DLG2: variants seen among roughly 807,000 people sequenced by gnomAD.
DLG2 encodes disks large homolog 2.
Under a neutral mutation model 132.5 loss-of-function variants are expected in DLG2, and 45 were observed. The observed-to-expected ratio is 0.34, with a 90% CI of 0.27 to 0.44. The LOEUF (loss-of-function observed/expected upper bound fraction) is 0.44. Ranked by LOEUF, DLG2 falls within the 20% of genes least tolerant of loss-of-function variation. The pLI, the probability that DLG2 is intolerant of heterozygous loss-of-function variation, is 1.00. For synonymous variants in DLG2, 424 were observed against 419.6 expected (o/e 1.01, Z -0.13); for missense variants, 1,045 against 1,196.9 (o/e 0.87, Z 1.87).
chr11:85,619,400 T>G (rs1370474075), intron 2 of DLG2, among the ~76,000 whole-genome samples: 2 of 152,170 alleles, frequency 1.3e-5, no homozygotes, highest in African/African-American at 4.8e-5. Flanking sequence ...AATTGTCTAT[T>G]TTACTTTGAC....
chr11:84,546,565 A>G, intron 6 of DLG2: 1 of 395,940 alleles, frequency 2.5e-6, no homozygotes, highest in Non-Finnish European at 4.9e-6. Context: ...GTCTTTGAGA[A>G]TCTCCTCTTG....
intron 4 of DLG2, among the ~76,000 whole-genome samples, chr11:85,197,602 T>C (rs2081165288): frequency 6.6e-6 from 1 of 152,202 alleles, no homozygotes; most frequent in Non-Finnish European, 1.5e-5. Context: ...AGTTTACTTA[T>C]GTTAAGTCTA....
chr11:84,177,468 C>G (rs2096002620), intron 8 of DLG2, among the ~76,000 whole-genome samples: 1 of 152,176 alleles, frequency 6.6e-6, no homozygotes, highest in African/African-American at 2.4e-5. Flanking sequence ...GCTTTGGATT[C>G]AGTCAGACAT....
intron 3 of DLG2, among the ~76,000 whole-genome samples, chr11:85,467,861 A>G (rs1029513723): frequency 6.6e-6 from 1 of 152,190 alleles, no homozygotes; most frequent in Non-Finnish European, 1.5e-5. Context: ...TTTTCTACTC[A>G]TTGGAATAAT....
intron 5 of DLG2, among the ~76,000 whole-genome samples, chr11:85,130,905 T>G (rs1037064801): frequency 6.6e-6 from 1 of 152,202 alleles, no homozygotes; most frequent in African/African-American, 2.4e-5. Flanking sequence ...GAAGCAATCA[T>G]GCATTATTTA....
At chr11:84,829,404 C>T (rs1388124963) in intron 6 of DLG2, among the ~76,000 whole-genome samples, 1 of 151,650 alleles carries the variant, frequency 6.6e-6, no homozygotes, top group Non-Finnish European at 1.5e-5. Context: ...TCATAATGAA[C>T]ATATTACATA....
chr11:85,091,357 T>C (rs796226399), intron 6 of DLG2, among the ~76,000 whole-genome samples: 77 of 152,350 alleles, frequency 5.1e-4, no homozygotes, highest in African/African-American at 1.5e-3. Flanking sequence ...ACGACCTTTT[T>C]GCTAGTAGAA....
intron 2 of DLG2, among the ~76,000 whole-genome samples, chr11:85,624,426 C>G (rs1290257935): frequency 6.6e-6 from 1 of 152,126 alleles, no homozygotes; most frequent in Non-Finnish European, 1.5e-5. Flanking sequence ...AAACACTTGG[C>G]TCAGTGAGGA....
intron 18 of DLG2, among the ~76,000 whole-genome samples, chr11:83,652,849 AC>A (rs1405553188): frequency 8.6e-5 from 13 of 151,970 alleles, no homozygotes; most frequent in Non-Finnish European, 1.9e-4. Flanking sequence ...TCCTTATTCG[AC>A]CCTTTTTGTT....
chr11:83,998,987 T>G (rs1486979376), intron 11 of DLG2, among the ~76,000 whole-genome samples: 1 of 152,136 alleles, frequency 6.6e-6, no homozygotes. Context: ...ACAACAAGAA[T>G]TGAGGCATGA....
intron 6 of DLG2, among the ~76,000 whole-genome samples, chr11:84,867,552 A>G (rs1396514826): frequency 1.3e-5 from 2 of 152,218 alleles, no homozygotes; most frequent in East Asian, 1.9e-4. Flanking sequence ...TTATTAGAAC[A>G]AAGAAGAGAT....
At chr11:84,070,464 T>G (rs1464706593) in intron 10 of DLG2, among the ~76,000 whole-genome samples, 1 of 152,212 alleles carries the variant, frequency 6.6e-6, no homozygotes, top group African/African-American at 2.4e-5. Context: ...ATTTGTTACC[T>G]GCATAGAACC....
intron 21 of DLG2, among the ~76,000 whole-genome samples, chr11:83,503,305 G>A (rs1315489265): frequency 1.4e-5 from 2 of 146,722 alleles, no homozygotes; most frequent in African/African-American, 5.0e-5. Context: ...ATTGGTCAGA[G>A]TTCTCTGGAG....
At chr11:83,922,512 G>A (rs532822037) in intron 15 of DLG2, among the ~76,000 whole-genome samples, 1 of 152,256 alleles carries the variant, frequency 6.6e-6, no homozygotes, top group South Asian at 2.1e-4. Flanking sequence ...GTGAAATAAA[G>A]AATTCTTTAA....
intron 6 of DLG2, among the ~76,000 whole-genome samples, chr11:85,104,684 A>G (rs1393423415): frequency 6.6e-6 from 1 of 151,828 alleles, no homozygotes; most frequent in Non-Finnish European, 1.5e-5. Flanking sequence ...ATTGAATTGT[A>G]TACTTTAAAT....
intron 18 of DLG2, among the ~76,000 whole-genome samples, chr11:83,640,234 G>A (rs918005953): frequency 2.0e-5 from 3 of 152,232 alleles, no homozygotes; most frequent in East Asian, 1.9e-4. Flanking sequence ...GTACACACGC[G>A]ATGCTTTAAA....
intron 2 of DLG2, among the ~76,000 whole-genome samples, chr11:85,621,802 T>C (rs1263407684): frequency 6.6e-6 from 1 of 152,206 alleles, no homozygotes; most frequent in East Asian, 1.9e-4. Flanking sequence ...GTTGTGAACA[T>C]TGTTTGAAAT....
At chr11:83,790,076 T>C in intron 17 of DLG2, 2 of 1,094,502 alleles carry the variant, frequency 1.8e-6, no homozygotes, top group Middle Eastern at 2.2e-4. Context: ...ACACAGGTAC[T>C]GCAACGAGTG....
chr11:85,398,298 T>C (rs904547509), intron 3 of DLG2, among the ~76,000 whole-genome samples: 2 of 152,166 alleles, frequency 1.3e-5, no homozygotes, highest in African/African-American at 4.8e-5. Flanking sequence ...GGGAAATTTA[T>C]AGCACTAAAT....
Sources: allele counts gnomAD v4.1 joint callset (sites outside exome capture counted in the v4.1 genomes callset), GRCh38; gene constraint gnomAD v4.1.1; transcripts MANE v1.5; gene names NCBI Gene and HGNC (gene_info 2026-07-23, HGNC 2026-07-21).